SGCZ: variants seen among roughly 807,000 people sequenced by gnomAD.
The protein encoded by SGCZ is sarcoglycan zeta.
In SGCZ, 40 loss-of-function variants were observed where a neutral mutation model predicts 41.3. The ratio of observed to expected loss-of-function variants is 0.97; its 90% confidence interval spans 0.75 to 1.26. The LOEUF (loss-of-function observed/expected upper bound fraction) is 1.26. SGCZ is among the 50% of genes most tolerant of loss of function. The pLI is 0.00. For missense variants in SGCZ, 552 were observed against 369.8 expected (o/e 1.49, Z -4.04); for synonymous variants, 206 against 137.5 (o/e 1.50, Z -3.49).
rs138528646 is a variant in SGCZ at position 14,274,346 on chromosome 8, G to T, written c.337-36667C>A. ...AGCACTGTTAAGGTTTATTATTAAC[G>T]CTGCACTTATTAAGGAGACAGTTGG... is the stretch of plus-strand genomic sequence containing the variant. On this transcript the variant is annotated intron_variant, in intron 3 of 7. Coordinates refer to ENST00000382080, the MANE Select transcript of SGCZ (RefSeq NM_139167.4). 1.7e-3 allele frequency among the ~76,000 whole-genome samples: 254 copies of T among 152,162 alleles called. 1 individual carries two copies. The highest frequency in any genetic ancestry group is 1.4e-3 in the Non-Finnish European group (93 of 67,982).
intron 2 of SGCZ, among the ~76,000 whole-genome samples, chr8:14,425,116 C>G (rs1271535100): frequency 6.6e-6 from 1 of 151,822 alleles, no homozygotes; most frequent in Non-Finnish European, 1.5e-5. Flanking sequence ...CACTCTTTGT[C>G]CAGCGACAAC....
chr8:15,130,319 T>C (rs1452531065), intron 1 of SGCZ, among the ~76,000 whole-genome samples: 1 of 152,176 alleles, frequency 6.6e-6, no homozygotes, highest in Non-Finnish European at 1.5e-5. Flanking sequence ...GGAAGTAATC[T>C]GCAGGCTCAG....
chr8:14,170,745 T>C (rs1475743083), intron 4 of SGCZ, among the ~76,000 whole-genome samples: 3 of 149,784 alleles, frequency 2.0e-5, no homozygotes, highest in Non-Finnish European at 4.4e-5. Flanking sequence ...TTTGTAAATA[T>C]TTTTTACACC....
At position 14,466,894 on chromosome 8, in the gene SGCZ, A is replaced by G. The variant is rs532659400; in HGVS notation, c.234+87838T>C. Among the ~76,000 whole-genome samples, 345 of 151,842 alleles carry G rather than the reference A, an allele frequency of 2.3e-3. 1 individual carries two copies. Among genetic ancestry groups the G allele is most frequent in the Non-Finnish European group, 4.2e-3 (287 of 67,916 alleles). On this transcript the variant is annotated intron_variant, in intron 2 of 7. Transcript: ENST00000382080. Reference sequence around the variant, plus strand: ...TATGTCTTCCTTTAATACTCTGAGCATCTTGAAGACCAGTGTATTAAAATC... The same window carrying G: ...TATGTCTTCCTTTAATACTCTGAGCGTCTTGAAGACCAGTGTATTAAAATC...
chr8:14,523,847 A>G (rs1802861422), intron 2 of SGCZ, among the ~76,000 whole-genome samples: 1 of 152,198 alleles, frequency 6.6e-6, no homozygotes, highest in East Asian at 1.9e-4. Flanking sequence ...TTTGAATTGC[A>G]TGGGTCCCTA....
intron 1 of SGCZ, among the ~76,000 whole-genome samples, chr8:15,039,094 G>C (rs1357525144): frequency 2.0e-5 from 3 of 152,070 alleles, no homozygotes; most frequent in South Asian, 4.1e-4. Flanking sequence ...AGTAAAAATA[G>C]AACTGCCATA....
At chr8:14,673,768 G>T (rs12674587) in intron 1 of SGCZ, among the ~76,000 whole-genome samples, 31,350 of 151,982 alleles carry the variant, frequency 0.21, 3,791 homozygotes, top group East Asian at 0.44. Context: ...TGGAAGAAAA[G>T]AAAACCAAGG....
intron 1 of SGCZ, among the ~76,000 whole-genome samples, chr8:14,613,605 T>C (rs570335339): frequency 1.3e-5 from 2 of 152,332 alleles, no homozygotes; most frequent in Admixed American, 6.5e-5. Flanking sequence ...TCCTTCTAAA[T>C]TTCAGAGCAT....
At chr8:14,136,712 T>G (rs964432539) in intron 5 of SGCZ, among the ~76,000 whole-genome samples, 7 of 152,132 alleles carry the variant, frequency 4.6e-5, no homozygotes, top group Admixed American at 1.3e-4. Context: ...AGACTCCACC[T>G]CTGGGGGCAG....
chr8:14,813,671 G>C (rs1222981157), intron 1 of SGCZ, among the ~76,000 whole-genome samples: 1 of 152,026 alleles, frequency 6.6e-6, no homozygotes, highest in Non-Finnish European at 1.5e-5. Flanking sequence ...ATAAAGCAAG[G>C]CCGCGAGCAG....
intron 3 of SGCZ, among the ~76,000 whole-genome samples, chr8:14,256,548 A>T (rs1159135179): frequency 7.1e-6 from 1 of 139,936 alleles, no homozygotes; most frequent in East Asian, 2.5e-4. Context: ...TTTGATGTTC[A>T]GTTGGAATTA....
chr8:14,931,007 G>C (rs1413237138), intron 1 of SGCZ, among the ~76,000 whole-genome samples: 2 of 151,966 alleles, frequency 1.3e-5, no homozygotes, highest in African/African-American at 4.8e-5. Context: ...AGAACTTAAA[G>C]TATAATTAAA....
rs537410767 is a variant in SGCZ at position 14,294,114 on chromosome 8, C to T, written c.336+29989G>A. Among the ~76,000 whole-genome samples the T allele has an allele frequency of 2.6e-4, 39 of 151,606 alleles. No homozygotes were observed. In the South Asian group the frequency reaches 5.2e-3, roughly 20 times the overall value. On this transcript the variant is annotated intron_variant, in intron 3 of 7. Coordinates refer to ENST00000382080, the MANE Select transcript of SGCZ (RefSeq NM_139167.4). ...TAGTTATTACAACCACCAGACATTA[C>T]GCGTAATTTTGTGATATTGTAGAAT...
At chr8:14,522,975 TATAATATTTTGGAGG>T (rs1037509859) in intron 2 of SGCZ, among the ~76,000 whole-genome samples, 1 of 151,950 alleles carries the variant, frequency 6.6e-6, no homozygotes, top group African/African-American at 2.4e-5. Context: ...CATCTCTTTG[TATAATATTTTGGAGG>T]TTACTCTGAA....
intron 3 of SGCZ, among the ~76,000 whole-genome samples, chr8:14,242,398 C>A (rs1798921441): frequency 6.6e-6 from 1 of 152,136 alleles, no homozygotes; most frequent in African/African-American, 2.4e-5. Context: ...AAGATAATAA[C>A]ATGATTGTAA....
intron 1 of SGCZ, among the ~76,000 whole-genome samples, chr8:14,958,181 A>G (rs1440521549): frequency 1.3e-5 from 2 of 152,124 alleles, no homozygotes; most frequent in African/African-American, 4.8e-5. Flanking sequence ...TACAAACAAA[A>G]AGAGTAACAG....
chr8:14,801,226 G>C (rs892943038), intron 1 of SGCZ, among the ~76,000 whole-genome samples: 2 of 152,082 alleles, frequency 1.3e-5, no homozygotes, highest in Non-Finnish European at 2.9e-5. Flanking sequence ...TATTGAAACA[G>C]AGAAGATAAA....
chr8:14,870,512 G>A (rs1337722834), intron 1 of SGCZ, among the ~76,000 whole-genome samples: 1 of 152,124 alleles, frequency 6.6e-6, no homozygotes, highest in African/African-American at 2.4e-5. Context: ...ATACCATTCA[G>A]GACATAGGCA....
At chr8:14,340,943 A>AT (rs1260308781) in intron 2 of SGCZ, among the ~76,000 whole-genome samples, 6 of 152,052 alleles carry the variant, frequency 3.9e-5, no homozygotes, top group Admixed American at 6.6e-5. Context: ...CAACTCCTGA[A>AT]TCCCCTCTCC....
Sources: gnomAD v4.1 joint callset for allele counts (sites outside exome capture counted in the v4.1 genomes callset) on GRCh38, gnomAD v4.1.1 for gene constraint, MANE v1.5 for transcripts, NCBI Gene and HGNC (gene_info 2026-07-23, HGNC 2026-07-21) for gene names.